The following DCDC2C variants were observed in gnomAD, a reference collection of about 807,000 sequenced individuals.
DCDC2C encodes the protein doublecortin domain containing 2C, also known as doublecortin domain-containing protein 2C.
In DCDC2C, 44 loss-of-function variants were observed where a neutral mutation model predicts 45.0. The ratio of observed to expected loss-of-function variants is 0.98; its 90% CI spans 0.77 to 1.26. DCDC2C has a LOEUF of 1.26. Among genes scored for constraint, DCDC2C ranks in the 50% most tolerant of loss-of-function variants. The pLI is 0.00. For missense variants in DCDC2C, 447 were observed against 468.9 expected, an observed-to-expected ratio of 0.95 and a Z score of 0.43; for synonymous variants, 187 against 178.8, an observed-to-expected ratio of 1.05 and a Z score of -0.37.
Position 3,722,223 on chromosome 2 carries a change from T to C in DCDC2C, c.340-4780T>C, listed in dbSNP as rs1249836538. ...GAGCCAGTACTGGGATCCTGGATGA[T>C]CCAAAGCACAGGCTCCTGAGTACTA... On this transcript the variant is annotated intron_variant, in intron 2 of 10. Transcript: ENST00000399143. Among the ~76,000 whole-genome samples the C allele has an allele frequency of 2.0e-5, 3 of 152,190 alleles. No individual in the cohort carries two copies. In the East Asian group the frequency reaches 5.8e-4, roughly 29 times the overall value.
intron 2 of DCDC2C, among the ~76,000 whole-genome samples, chr2:3,716,095 C>T (rs1049543365): frequency 6.6e-6 from 1 of 152,096 alleles, no homozygotes; most frequent in Non-Finnish European, 1.5e-5. Flanking sequence ...GTTTGGGTGC[C>T]ATGTTGATAG....
intron 10 of DCDC2C, among the ~76,000 whole-genome samples, chr2:3,786,985 C>T (rs1489284519): frequency 6.6e-6 from 1 of 152,134 alleles, no homozygotes; most frequent in Admixed American, 6.6e-5. Flanking sequence ...AGTTTTTGTT[C>T]CTCAGCTTGA....
intron 10 of DCDC2C, among the ~76,000 whole-genome samples, chr2:3,832,656 C>T (rs1000468448): frequency 3.3e-5 from 5 of 152,182 alleles, no homozygotes; most frequent in Non-Finnish European, 5.9e-5. Context: ...GTCAAACACC[C>T]GAGTCCCTCC....
intron 3 of DCDC2C, among the ~76,000 whole-genome samples, chr2:3,729,742 A>G (rs1317386228): frequency 6.6e-6 from 1 of 151,446 alleles, no homozygotes; most frequent in Non-Finnish European, 1.5e-5. Context: ...TCTAAGAAGG[A>G]GAGGTCAGGG....
intron 10 of DCDC2C, among the ~76,000 whole-genome samples, chr2:3,832,894 A>G (rs1192235809): frequency 6.6e-6 from 1 of 152,214 alleles, no homozygotes; most frequent in Non-Finnish European, 1.5e-5. Context: ...GCAAATTACC[A>G]TGAATTTAGT....
rs150978655 is a variant in DCDC2C, at chr2:3,750,592, G to A, written c.546-2171G>A. 2.6e-5 allele frequency among the ~76,000 whole-genome samples: 4 copies of A among 152,126 alleles called. No homozygotes were observed. In the East Asian group the frequency reaches 5.8e-4, roughly 22 times the overall value. On this transcript the variant is annotated intron_variant, in intron 4 of 10. Coordinates refer to ENST00000399143, the MANE Select transcript of DCDC2C (RefSeq NM_001287444.2). ...TTCCTGTCTGTGTTGCTGCTGAAAG[G>A]CCCCGGTTGGTCCTGTCCTGCCGGG...
chr2:3,821,060 G>C lies in DCDC2C; in HGVS notation c.1066-26094G>C, dbSNP rs527518220. 2.6e-5 allele frequency among the ~76,000 whole-genome samples: 4 copies of C among 152,274 alleles called. No individual in the cohort carries two copies. In the South Asian group the frequency reaches 8.3e-4, roughly 32 times the overall value. On this transcript the variant is annotated intron_variant, in intron 10 of 10. Transcript: ENST00000399143. Reference sequence around the variant, plus strand: ...TGAGTCCAAAAAGAGAGTCAGCAAAGGGAGATAGGGATGGGGCCGTTTTAT... The same window carrying C: ...TGAGTCCAAAAAGAGAGTCAGCAAACGGAGATAGGGATGGGGCCGTTTTAT...
intron 4 of DCDC2C, among the ~76,000 whole-genome samples, chr2:3,751,232 G>A (rs1035487917): frequency 1.3e-5 from 2 of 152,138 alleles, no homozygotes; most frequent in Non-Finnish European, 2.9e-5. Context: ...TAGGACCATC[G>A]TCAGTCCCCC....
chr2:3,813,073 T>A (rs1274506339), intron 10 of DCDC2C, among the ~76,000 whole-genome samples: 188 of 103,768 alleles, frequency 1.8e-3, no homozygotes, highest in Admixed American at 2.7e-3. Context: ...ATATATTTTT[T>A]TTTTTTTGCT....
At chr2:3,711,330 A>G (rs1668203064) in intron 2 of DCDC2C, among the ~76,000 whole-genome samples, 1 of 152,204 alleles carries the variant, frequency 6.6e-6, no homozygotes, top group South Asian at 2.1e-4. Flanking sequence ...TGTCATAAAG[A>G]TACATGCACA....
At chr2:3,784,790 A>G (rs1453165746) in intron 9 of DCDC2C, among the ~76,000 whole-genome samples, 2 of 152,238 alleles carry the variant, frequency 1.3e-5, no homozygotes, top group Admixed American at 6.5e-5. Flanking sequence ...CAGGTATGAC[A>G]TGCGCCTTTT....
chr2:3,824,051 T>A (rs574877351), intron 10 of DCDC2C, among the ~76,000 whole-genome samples: 2 of 152,386 alleles, frequency 1.3e-5, no homozygotes, highest in Non-Finnish European at 1.5e-5. Context: ...GACAGAAGCC[T>A]GGATTCAGTC....
chr2:3,795,389 A>G (rs1670928421), intron 10 of DCDC2C, among the ~76,000 whole-genome samples: 2 of 126,068 alleles, frequency 1.6e-5, no homozygotes, highest in Non-Finnish European at 1.7e-5. Flanking sequence ...CCATTTGTCA[A>G]TTTTGTCTTT....
chr2:3,704,225 G>A (rs184610798), intron 1 of DCDC2C, 187 bp downstream of exon 1: 2 of 493,746 alleles, frequency 4.1e-6, no homozygotes, highest in East Asian at 3.6e-5. Context: ...TCCTGGGGGC[G>A]AAGCCGAGGC....
At chr2:3,717,403 G>C (rs1271666633) in intron 2 of DCDC2C, among the ~76,000 whole-genome samples, 2 of 152,030 alleles carry the variant, frequency 1.3e-5, no homozygotes, top group African/African-American at 4.8e-5. Flanking sequence ...CCTAAACCCA[G>C]AAACGTGAGC....
intron 2 of DCDC2C, among the ~76,000 whole-genome samples, chr2:3,715,737 A>G (rs995276571): frequency 1.3e-5 from 2 of 152,212 alleles, no homozygotes; most frequent in East Asian, 3.8e-4. Context: ...TTCACTAAAT[A>G]CTTCTTGAGC....
chr2:3,760,839 G>A (rs1481167505), intron 6 of DCDC2C, among the ~76,000 whole-genome samples: 1 of 108,334 alleles, frequency 9.2e-6, no homozygotes, highest in South Asian at 4.5e-4. Flanking sequence ...AGAACTTAAA[G>A]TAAAATAAAA....
chr2:3,816,417 T>C (rs931921988), intron 10 of DCDC2C, among the ~76,000 whole-genome samples: 4 of 152,212 alleles, frequency 2.6e-5, no homozygotes, highest in African/African-American at 9.7e-5. Context: ...ACAACACTCT[T>C]TATTTAAAAA....
intron 10 of DCDC2C, among the ~76,000 whole-genome samples, chr2:3,805,886 A>G (rs1255872959): frequency 6.6e-6 from 1 of 152,084 alleles, no homozygotes; most frequent in Non-Finnish European, 1.5e-5. Flanking sequence ...CTTCATTTTT[A>G]TTTTTTGAGA....
Sources: gnomAD v4.1 joint callset for allele counts (sites outside exome capture counted in the v4.1 genomes callset) on GRCh38, gnomAD v4.1.1 for gene constraint, MANE v1.5 for transcripts, NCBI Gene and HGNC (gene_info 2026-07-23, HGNC 2026-07-21) for gene names.